The following PRAM1 variants were observed in gnomAD, a reference collection of about 807,000 sequenced individuals.
The protein encoded by PRAM1 is PML-RARA-regulated adapter molecule 1.
Under a neutral mutation model 55.3 loss-of-function variants are expected in PRAM1, and 41 were observed. That is an observed-to-expected ratio of 0.74 (90% CI 0.58 to 0.96). PRAM1 has a LOEUF of 0.96. Ranked by LOEUF, PRAM1 falls within the 40% of genes least tolerant of loss-of-function variation. The pLI is 0.00. For missense variants in PRAM1, 898 were observed against 892.7 expected (o/e 1.01, Z -0.08); for synonymous variants, 401 against 387.1 (o/e 1.04, Z -0.42).
chr19:8,500,869 G>T (rs1971796950), intron 1 of PRAM1, among the ~76,000 whole-genome samples: 1 of 152,044 alleles, frequency 6.6e-6, no homozygotes, highest in South Asian at 2.1e-4. Context: ...AGGTTCAAAT[G>T]ATTCTCGTGC....
Position 8,490,981 on chromosome 19 carries a change from G to A in PRAM1, c.1649C>T (p.Pro550Leu). ...CATGGGTGGCAACTGCTGTGGCTGGGGATCCTTCTCCTTCCTGATAGCCCC... is the reference window on the plus strand; with the variant it reads ...CATGGGTGGCAACTGCTGTGGCTGGAGATCCTTCTCCTTCCTGATAGCCCC... ...QDPALRKEKD[P>L]QPQQLPPMDP... Residue 550 changes from proline to leucine, a missense_variant, in exon 6 of 10, where the codon CCC becomes CTC. Around this residue, in one of 4 missense-constraint regions of PRAM1, gnomAD observed 787 missense variants for 735.4 expected, o/e 1.07. Coordinates refer to ENST00000423345, the MANE Select transcript of PRAM1 (RefSeq NM_032152.5). The surrounding 1 kb of genome is among the most constrained non-coding windows in gnomAD (Gnocchi z 7.3). 2 of 1,613,284 alleles carry A rather than the reference G, an allele frequency of 1.2e-6. No homozygotes were observed. Among genetic ancestry groups the A allele is most frequent in the Non-Finnish European group, 1.7e-6 (2 of 1,179,884 alleles).
chr19:8,497,161 C>T (rs539162017), intron 4 of PRAM1, among the ~76,000 whole-genome samples: 1 of 149,640 alleles, frequency 6.7e-6, no homozygotes, highest in East Asian at 2.0e-4. Context: ...CTTTATATAC[C>T]ACCAAATCCT....
chr19:8,501,846 A>T (rs762090834), intron 1 of PRAM1, among the ~76,000 whole-genome samples: 30 of 152,142 alleles, frequency 2.0e-4, no homozygotes, highest in Non-Finnish European at 4.3e-4. Flanking sequence ...TGTCTCCTGC[A>T]TACCCAGCTG....
rs1971652690 is a variant in PRAM1, at chr19:8,493,169, G to A, written c.1577-2012C>T. On this transcript the variant is annotated intron_variant, in intron 4 of 9. Transcript: ENST00000423345. This position sits in a 1 kb window ranked among gnomAD's most constrained non-coding sequence, Gnocchi z 4.1. ...CAGAGCCCTGCTGGCCAAGGAATTG[G>A]CTTCAGGTGGGAGCCCCAGGAACCC... is the stretch of plus-strand genomic sequence containing the variant. Among the ~76,000 whole-genome samples the A allele has an allele frequency of 1.3e-5, 2 of 152,258 alleles. No homozygotes were observed. Among genetic ancestry groups the A allele is most frequent in the South Asian group, 2.1e-4 (1 of 4,822 alleles).
intron 1 of PRAM1, among the ~76,000 whole-genome samples, chr19:8,501,619 A>C (rs1171818006): frequency 2.0e-5 from 3 of 149,990 alleles, no homozygotes; most frequent in African/African-American, 7.4e-5. Context: ...GGCCTGGAAC[A>C]TGGTAGGTGC....
chr19:8,497,863 GCCT>G (rs1393815932), intron 3 of PRAM1, 23 bp from the exon 4 acceptor site: 3 of 1,067,178 alleles, frequency 2.8e-6, no homozygotes, highest in Non-Finnish European at 2.7e-6. Context: ...CTGAGATGAG[GCCT>G]CTTCTTTTTT....
chr19:8,499,431 T>C lies in PRAM1; in HGVS notation c.377A>G (p.Asp126Gly), dbSNP rs1301226182. The C allele has an allele frequency of 6.2e-7, 1 of 1,611,578 alleles. No homozygotes were observed. The highest frequency in any genetic ancestry group is 8.5e-7 in the Non-Finnish European group (1 of 1,179,738). Reference sequence around the variant, plus strand: ...CAGCTGTGGGAACTTCTTGGAGAGGTCACTCAACTCCAGTTTGGACGGCTT... The same window carrying C: ...CAGCTGTGGGAACTTCTTGGAGAGGCCACTCAACTCCAGTTTGGACGGCTT... ...PKKPSKLELS[D>G]LSKKFPQLGA... Residue 126 changes from aspartate (D) to glycine (G), a missense_variant, in exon 2 of 10, where the codon GAC becomes GGC. Around this residue, in one of 4 missense-constraint regions of PRAM1, gnomAD observed 30 missense variants for 44.6 expected, o/e 0.67. Transcript: ENST00000423345.
Position 8,498,413 on chromosome 19 carries a change from A to G in PRAM1, c.1395T>C (p.Asp465=). The part of the protein sequence containing the change: ...AKPPLPPGPV[D]MQSFRRPSAA... ...CAGAGGGTCTCCGAAAGCTCTGCAT[A>G]TCCACGGGCCCCGGGGGCAGCGGGG... The change falls in exon 2 of 10, where the codon GAT becomes GAC. Residue 465 remains aspartate, a synonymous_variant. Transcript: ENST00000423345. 1.3e-6 allele frequency: 2 copies of G among 1,578,944 alleles called. No individual in the cohort carries two copies. The highest frequency in any genetic ancestry group is 1.7e-6 in the Non-Finnish European group (2 of 1,160,628).
rs1568314817 is a variant in PRAM1, at chr19:8,494,617, T to C, written c.1576+3147A>G. 2.0e-5 allele frequency among the ~76,000 whole-genome samples: 3 copies of C among 148,840 alleles called. No homozygotes were observed. In the Admixed American group the frequency reaches 2.1e-4, roughly 10 times the overall value. ...AAGCCCCATCCCAGAGCCTCAACCT[T>C]GCGTACCTATTTTTTTTTCTTTTTT... On this transcript the variant is annotated intron_variant, in intron 4 of 9. Transcript: ENST00000423345.
intron 1 of PRAM1, among the ~76,000 whole-genome samples, chr19:8,501,963 G>A (rs1208097705): frequency 1.3e-5 from 2 of 152,178 alleles, no homozygotes; most frequent in Admixed American, 1.3e-4. Flanking sequence ...TTCACCTGTG[G>A]TCAAGGAGAT....
chr19:8,502,194 C>T (rs1971814948), intron 1 of PRAM1, among the ~76,000 whole-genome samples: 1 of 152,164 alleles, frequency 6.6e-6, no homozygotes, highest in Admixed American at 6.5e-5. Flanking sequence ...ACTTGGGTGA[C>T]TGGACGGGGG....
intron 3 of PRAM1, 39 bp from the exon 4 acceptor site, chr19:8,497,879 T>C (rs760294576): frequency 7.5e-4 from 1,029 of 1,367,738 alleles, no homozygotes; most frequent in South Asian, 9.6e-4. Context: ...TCTTTTTTTT[T>C]TTTTTTTTTT....
intron 4 of PRAM1, 52 bp from the exon 5 acceptor site, chr19:8,491,209 T>C: frequency 6.5e-7 from 1 of 1,535,848 alleles, no homozygotes; most frequent in Non-Finnish European, 8.9e-7. Context: ...GCTCAGCCTT[T>C]ACCCTGGTAG....
Position 8,499,137 on chromosome 19 carries a change from T to C in PRAM1, c.671A>G (p.Tyr224Cys), listed in dbSNP as rs1224018800. 4 of 1,612,080 alleles carry C rather than the reference T, an allele frequency of 2.5e-6. No homozygotes were observed. The highest frequency in any genetic ancestry group is 3.4e-6 in the Non-Finnish European group (4 of 1,179,422). Residue 224 changes from tyrosine (Y) to cysteine (C), a missense_variant, in exon 2 of 10, where the codon TAC becomes TGC. This residue lies in a region of PRAM1 where 787 missense variants were observed against 735.4 expected (regional missense o/e 1.07). Transcript: ENST00000423345. ...CTGAGGCTGCGGAGGCTTTTTGGGG[T>C]ACACGTTGAACTCAGGCTGCGCAGG... ...KKPAQPEFNV[Y>C]PKKPPQPQVG... is the part of the protein sequence containing the mutation.
intron 4 of PRAM1, among the ~76,000 whole-genome samples, chr19:8,492,702 A>G (rs941671267): frequency 3.3e-5 from 5 of 152,166 alleles, no homozygotes; most frequent in Admixed American, 6.5e-5. Context: ...GATAGTTGAC[A>G]GTAAAATATC....
Position 8,491,177 on chromosome 19 carries a change from C to T in PRAM1, c.1577-20G>A, listed in dbSNP as rs763263427. Reference sequence around the variant, plus strand: ...CTTCATCTGGGGACAGTCAGGACTCCGAGTCAAGGCAGGGCCCGCCGGCTC... The same window carrying T: ...CTTCATCTGGGGACAGTCAGGACTCTGAGTCAAGGCAGGGCCCGCCGGCTC... On this transcript the variant is annotated intron_variant, in intron 4 of 9. Transcript: ENST00000423345. The T allele has an allele frequency of 1.4e-5, 23 of 1,605,798 alleles. No homozygotes were observed. The highest frequency in any genetic ancestry group is 1.0e-4 in the Admixed American group (6 of 59,068).
rs768932675 is a variant in PRAM1 at position 8,498,823 on chromosome 19, G to A, written c.985C>T (p.Leu329Phe). Reference protein sequence around the residue: ...KKPPQPELGGLPRTSSEPEFN... With the variant: ...KKPPQPELGGFPRTSSEPEFN... Reference sequence around the variant, plus strand: ...TCGGGCTCTGAGGAGGTCCTGGGGAGGCCGCCCAGCTCGGGCTGCGGGGGC... The same window carrying A: ...TCGGGCTCTGAGGAGGTCCTGGGGAAGCCGCCCAGCTCGGGCTGCGGGGGC... The change falls in exon 2 of 10, where the codon CTC (leucine) becomes TTC (phenylalanine). Residue 329 changes from leucine (L) to phenylalanine (F), a missense_variant. By Grantham distance (22) the Leu-to-Phe change is conservative. Around this residue, in one of 4 missense-constraint regions of PRAM1, gnomAD observed 787 missense variants for 735.4 expected, o/e 1.07. Coordinates refer to ENST00000423345, the MANE Select transcript of PRAM1 (RefSeq NM_032152.5). The A allele has an allele frequency of 1.3e-6, 2 of 1,593,354 alleles. No individual in the cohort carries two copies. The highest frequency in any genetic ancestry group is 1.1e-5 in the South Asian group (1 of 88,602).
Position 8,498,845 on chromosome 19 carries a change from G to A in PRAM1, c.963C>T (p.Pro321=), listed in dbSNP as rs552801292. Residue 321 remains proline (P), a synonymous_variant, in exon 2 of 10, where the codon CCC becomes CCT. Transcript: ENST00000423345. ...PAEFKALSKK[P]PQPELGGLPR... is the part of the protein sequence containing the mutation. The stretch of plus-strand genomic sequence containing the variant: ...GGAGGCCGCCCAGCTCGGGCTGCGG[G>A]GGCTTCTTGGAGAGCGCTTTGAATT... 6 of 1,606,376 alleles carry A rather than the reference G, an allele frequency of 3.7e-6. No individual in the cohort carries two copies. Among genetic ancestry groups the A allele is most frequent in the Non-Finnish European group, 5.1e-6 (6 of 1,176,732 alleles).
In PRAM1 at chr19:8,495,801, A is replaced by G. The variant is rs146106219; in HGVS notation, c.1576+1963T>C. ...TTCCCTGGAAGCTGCTTGTGTTTTC[A>G]TGAAGGCATTAACTTTGGAGTGGAG... On this transcript the variant is annotated intron_variant, in intron 4 of 9. Transcript: ENST00000423345. Among the ~76,000 whole-genome samples, 1,373 of 151,150 alleles carry G rather than the reference A, an allele frequency of 9.1e-3. 27 individuals carry two copies. The highest frequency in any genetic ancestry group is 0.032 in the African/African-American group (1,306 of 41,036).
Sources: allele counts gnomAD v4.1 joint callset (sites outside exome capture counted in the v4.1 genomes callset), GRCh38; gene constraint gnomAD v4.1.1; regional missense constraint gnomAD v4.1.1; non-coding constraint Gnocchi (gnomAD v3.1); transcripts MANE v1.5; gene names NCBI Gene and HGNC (gene_info 2026-07-23, HGNC 2026-07-21).